Variants in RPH3A observed in about 807,000 individuals in gnomAD.
RPH3A encodes rabphilin-3A.
Under a neutral mutation model 102.2 loss-of-function variants are expected in RPH3A, and 48 were observed. The observed-to-expected ratio is 0.47, with a 90% CI of 0.37 to 0.60. RPH3A has a LOEUF of 0.60. RPH3A is among the 20% of genes least tolerant of loss of function. The probability of loss-of-function intolerance (pLI) is 0.00; values close to 1 mark genes in which losing one functional copy is unlikely to be tolerated. For missense variants in RPH3A, 781 were observed against 910.1 expected (o/e 0.86, Z 1.83); for synonymous variants, 310 against 324.3 (o/e 0.96, Z 0.47).
intron 3 of RPH3A, among the ~76,000 whole-genome samples, chr12:112,833,793 A>G (rs2042008572): frequency 6.6e-6 from 1 of 151,982 alleles, no homozygotes; most frequent in African/African-American, 2.4e-5. Context: ...GCAATAGCAC[A>G]ACCATAGCTC....
At chr12:112,739,263 T>C (rs1192201875) in intron 1 of RPH3A, among the ~76,000 whole-genome samples, 1 of 152,190 alleles carries the variant, frequency 6.6e-6, no homozygotes, top group African/African-American at 2.4e-5. Context: ...TGGTAGGAAT[T>C]AGGTCTATTT....
At chr12:112,763,024 A>G (rs1203204847) in intron 1 of RPH3A, among the ~76,000 whole-genome samples, 1 of 152,256 alleles carries the variant, frequency 6.6e-6, no homozygotes, top group African/African-American at 2.4e-5. Flanking sequence ...GATAAAAACA[A>G]CAGGTGCTCC....
intron 1 of RPH3A, among the ~76,000 whole-genome samples, chr12:112,780,121 C>T (rs2040997200): frequency 6.6e-6 from 1 of 152,184 alleles, no homozygotes; most frequent in Non-Finnish European, 1.5e-5. Context: ...TATTCCTTGT[C>T]TGTTCTTCCT....
intron 1 of RPH3A, among the ~76,000 whole-genome samples, chr12:112,678,303 A>AAGAAAGAAAGAGAGAGAGAGAG (rs1555283199): frequency 2.0e-5 from 1 of 50,136 alleles, no homozygotes; most frequent in Non-Finnish European, 4.4e-5. Flanking sequence ...GAAAGAAAGA[A>AAGAAAGAAAGAGAGAGAGAGAG]AGAGAGAGAG....
intron 1 of RPH3A, among the ~76,000 whole-genome samples, chr12:112,739,277 T>C (rs1253917416): frequency 6.6e-6 from 1 of 152,244 alleles, no homozygotes; most frequent in Non-Finnish European, 1.5e-5. Context: ...TCTATTTTTT[T>C]TGAACACCTG....
At position 112,879,111 on chromosome 12, in the gene RPH3A, C is replaced by G. The variant is rs753591635; in HGVS notation, c.1172-8C>G. 1 of 1,612,786 alleles carries G rather than the reference C, an allele frequency of 6.2e-7. No homozygotes were observed. Among genetic ancestry groups the G allele is most frequent in the African/African-American group, 1.3e-5 (1 of 74,888 alleles). ...CGTTATCTTGGTTCCTGTCTCTGCC[C>G]CCTTCAGCCACCCTGGGTGCCCTGG... is the stretch of plus-strand genomic sequence containing the variant. On this transcript the variant is annotated splice_region_variant and splice_polypyrimidine_tract_variant and intron_variant, in intron 13 of 21. Transcript: ENST00000389385.
intron 1 of RPH3A, among the ~76,000 whole-genome samples, chr12:112,681,902 T>A (rs2040228721): frequency 6.6e-6 from 1 of 152,254 alleles, no homozygotes; most frequent in Non-Finnish European, 1.5e-5. Context: ...CGACATTTTT[T>A]AGCATGGCTT....
intron 5 of RPH3A, among the ~76,000 whole-genome samples, chr12:112,861,341 C>G (rs2042509600): frequency 6.6e-6 from 1 of 152,216 alleles, no homozygotes. Context: ...GGTTGGGTAT[C>G]TTGTCCCAAC....
intron 5 of RPH3A, among the ~76,000 whole-genome samples, chr12:112,859,327 C>G (rs113151829): frequency 3.3e-5 from 5 of 152,110 alleles, no homozygotes; most frequent in African/African-American, 1.2e-4. Flanking sequence ...GGATTCAAAC[C>G]CGTGGCTTTT....
chr12:112,779,708 T>C (rs539845403), intron 1 of RPH3A, among the ~76,000 whole-genome samples: 2 of 152,186 alleles, frequency 1.3e-5, no homozygotes, highest in Admixed American at 6.5e-5. Context: ...ACACCTCCAC[T>C]GTATGGAGGG....
At chr12:112,784,464 T>C (rs1363769639) in intron 1 of RPH3A, among the ~76,000 whole-genome samples, 2 of 152,248 alleles carry the variant, frequency 1.3e-5, no homozygotes, top group Non-Finnish European at 2.9e-5. Context: ...CAGAACCCCG[T>C]GAACTATGGT....
Position 112,894,664 on chromosome 12 carries a change from G to A in RPH3A, c.1857+5G>A. 1 of 1,612,696 alleles carries A rather than the reference G, an allele frequency of 6.2e-7. No homozygotes were observed. Among genetic ancestry groups the A allele is most frequent in the Non-Finnish European group, 8.5e-7 (1 of 1,179,422 alleles). On this transcript the variant is annotated splice_donor_5th_base_variant and intron_variant, in intron 20 of 21. Transcript: ENST00000389385. ...TTGAATCCCGAATTCAATGAGGTAAGGCTGCCCTATTCTTTTTCATGCTCT... is the reference window on the plus strand; with the variant it reads ...TTGAATCCCGAATTCAATGAGGTAAAGCTGCCCTATTCTTTTTCATGCTCT...
At chr12:112,685,125 T>C (rs1346433178) in intron 1 of RPH3A, among the ~76,000 whole-genome samples, 1 of 152,048 alleles carries the variant, frequency 6.6e-6, no homozygotes, top group East Asian at 1.9e-4. Context: ...TTTGTAGAGA[T>C]GGGTTCTCAC....
At chr12:112,697,857 C>G (rs2040363356) in intron 1 of RPH3A, among the ~76,000 whole-genome samples, 1 of 151,260 alleles carries the variant, frequency 6.6e-6, no homozygotes, top group Non-Finnish European at 1.5e-5. Context: ...AAGAGTGAAA[C>G]TCCATCTCAA....
intron 1 of RPH3A, among the ~76,000 whole-genome samples, chr12:112,611,485 C>T (rs1031205681): frequency 4.0e-5 from 6 of 151,286 alleles, no homozygotes; most frequent in Non-Finnish European, 5.9e-5. Flanking sequence ...GTTTTTTTTT[C>T]GGGAGTACAA....
chr12:112,723,810 G>A (rs959408626), intron 1 of RPH3A, among the ~76,000 whole-genome samples: 1 of 152,176 alleles, frequency 6.6e-6, no homozygotes, highest in African/African-American at 2.4e-5. Flanking sequence ...TATTACAGTA[G>A]TACAGTATGG....
intron 1 of RPH3A, among the ~76,000 whole-genome samples, chr12:112,746,310 G>T (rs1021539224): frequency 9.2e-5 from 14 of 152,104 alleles, no homozygotes; most frequent in Non-Finnish European, 1.9e-4. Context: ...GATAAGTGCT[G>T]CAACAGAATG....
At chr12:112,691,560 A>C (rs893036098) in intron 1 of RPH3A, among the ~76,000 whole-genome samples, 1 of 152,206 alleles carries the variant, frequency 6.6e-6, no homozygotes, top group Non-Finnish European at 1.5e-5. Flanking sequence ...TAATTTTTAC[A>C]GCTCTGTTAT....
chr12:112,743,166 C>T (rs1446802739), intron 1 of RPH3A, among the ~76,000 whole-genome samples: 1 of 152,204 alleles, frequency 6.6e-6, no homozygotes, highest in Non-Finnish European at 1.5e-5. Flanking sequence ...CTTGCAAGTT[C>T]TCTTTGGCTG....
Sources: gnomAD v4.1 joint callset for allele counts (sites outside exome capture counted in the v4.1 genomes callset) on GRCh38, gnomAD v4.1.1 for gene constraint, MANE v1.5 for transcripts, NCBI Gene and HGNC (gene_info 2026-07-23, HGNC 2026-07-21) for gene names.